The following SANBR variants were observed in gnomAD, a reference collection of about 807,000 sequenced individuals.
SANBR encodes the protein SANT and BTB domain regulator of class switch recombination.
A neutral mutation model predicts 101.8 loss-of-function variants in SANBR; 77 were observed. The observed-to-expected ratio is 0.76, with a 90% CI of 0.63 to 0.91. SANBR has a LOEUF of 0.91. Ranked by LOEUF, SANBR falls within the 40% of genes least tolerant of loss-of-function variation. The pLI, the probability that SANBR is intolerant of heterozygous loss-of-function variation, is 0.00. For synonymous variants in SANBR, 279 were observed against 274.7 expected (o/e 1.02, Z -0.15); for missense variants, 875 against 853.0 (o/e 1.03, Z -0.32).
intron 8 of SANBR, among the ~76,000 whole-genome samples, 186 bp downstream of exon 8, chr2:61,083,500 G>T (rs1682254171): frequency 6.6e-6 from 1 of 150,694 alleles, no homozygotes; most frequent in Non-Finnish European, 1.5e-5. Flanking sequence ...GAGCTCTGGT[G>T]ATCCTCCCAC....
At chr2:61,137,916 A>G (rs1223168326) in exon 22 of SANBR, 2 of 152,098 alleles carry the variant, frequency 1.3e-5, no homozygotes, top group East Asian at 1.9e-4. Context: ...TCCTCATGCA[A>G]TTTTTTAGAC....
At chr2:61,083,397 CTTTT>C (rs1056982819) in intron 8 of SANBR, 83 bp downstream of exon 8, 2 of 907,050 alleles carry the variant, frequency 2.2e-6, no homozygotes, top group Middle Eastern at 3.4e-4. Flanking sequence ...AATATTCTTT[CTTTT>C]TTCTTTTTTC....
intron 16 of SANBR, among the ~76,000 whole-genome samples, chr2:61,113,450 A>T (rs567686923): frequency 7.2e-5 from 11 of 152,278 alleles, no homozygotes; most frequent in African/African-American, 2.2e-4. Context: ...AGTTCTTCCC[A>T]TCCATGAACA....
chr2:61,091,731 T>C (rs1047450894), intron 10 of SANBR, among the ~76,000 whole-genome samples: 1 of 152,130 alleles, frequency 6.6e-6, no homozygotes, highest in African/African-American at 2.4e-5. Context: ...ACCACTGCAC[T>C]CCAGGCTGGG....
intron 8 of SANBR, among the ~76,000 whole-genome samples, chr2:61,083,944 CTT>C (rs1682284910): frequency 6.6e-6 from 1 of 151,618 alleles, no homozygotes; most frequent in Admixed American, 6.6e-5. Flanking sequence ...TTTACTCTCT[CTT>C]TTCATTTATA....
At chr2:61,129,103 G>C (rs1316990669), downstream of SANBR, among the ~76,000 whole-genome samples, 1 of 152,056 alleles carries the variant, frequency 6.6e-6, no homozygotes, top group Non-Finnish European at 1.5e-5. Context: ...CAAAAATTGA[G>C]ATAATTCATT....
At chr2:61,092,256 C>A (rs1021497583) in intron 10 of SANBR, among the ~76,000 whole-genome samples, 1 of 152,180 alleles carries the variant, frequency 6.6e-6, no homozygotes, top group African/African-American at 2.4e-5. Context: ...TGGTGGCACA[C>A]GCCTATAATC....
intron 13 of SANBR, 148 bp from the exon 14 acceptor site, chr2:61,106,411 AAAAG>A: frequency 7.8e-6 from 4 of 511,638 alleles, no homozygotes; most frequent in East Asian, 3.9e-5. Flanking sequence ...AAAAAAAAAA[AAAAG>A]GAAATGTCAT....
intron 21 of SANBR, among the ~76,000 whole-genome samples, chr2:61,134,499 G>A (rs72809496): frequency 0.086 from 13,070 of 152,206 alleles, 622 homozygotes; most frequent in Admixed American, 0.13. Flanking sequence ...GTGGTATTGT[G>A]CTCACAACAT....
chr2:61,095,536 ACAT>A (rs1225122862), intron 11 of SANBR, among the ~76,000 whole-genome samples: 1 of 152,248 alleles, frequency 6.6e-6, no homozygotes, highest in Non-Finnish European at 1.5e-5. Flanking sequence ...CAACTTCAGT[ACAT>A]CATAATATAA....
chr2:61,105,461 G>A (rs1683511094), intron 13 of SANBR, among the ~76,000 whole-genome samples: 1 of 151,644 alleles, frequency 6.6e-6, no homozygotes, highest in South Asian at 2.1e-4. Flanking sequence ...CTGCCTCCCG[G>A]GTTCACGCCA....
chr2:61,134,873 A>G (rs1399847012), intron 21 of SANBR, among the ~76,000 whole-genome samples: 1 of 151,916 alleles, frequency 6.6e-6, no homozygotes, highest in Non-Finnish European at 1.5e-5. Context: ...CAGCCTTGCA[A>G]CAGAGCGAGA....
At chr2:61,102,308 G>A (rs929725162) in intron 12 of SANBR, among the ~76,000 whole-genome samples, 5 of 148,854 alleles carry the variant, frequency 3.4e-5, no homozygotes, top group South Asian at 4.2e-4. Flanking sequence ...CCTGGGAGGC[G>A]GAGACCCGCG....
At chr2:61,108,413 A>ATT in intron 15 of SANBR, 64 bp downstream of exon 15, 1 of 1,062,244 alleles carries the variant, frequency 9.4e-7, no homozygotes, top group South Asian at 1.5e-5. Context: ...GTTTAGTTTA[A>ATT]TAGAATCTTA....
chr2:61,135,420 T>C (rs752343264), intron 21 of SANBR, among the ~76,000 whole-genome samples: 25 of 152,194 alleles, frequency 1.6e-4, no homozygotes, highest in South Asian at 1.2e-3. Flanking sequence ...TTAAATGACA[T>C]CTAGTTTTGT....
chr2:61,109,286 C>T lies in SANBR; in HGVS notation c.1734C>T (p.Ser578=), dbSNP rs751067089. 3 of 1,547,258 alleles carry T rather than the reference C, an allele frequency of 1.9e-6. No homozygotes were observed. The highest frequency in any genetic ancestry group is 1.8e-5 in the Admixed American group (1 of 56,638). Residue 578 remains serine, a synonymous_variant, in exon 16 of 22, where the codon TCC becomes TCT. Transcript: ENST00000402291. ...AAGTTGGAGATGAAGAAGAAGTATC[C>T]AAGAAACAAAGTATTGGTTTATAAG... ...EDEVGDEEEV[S]KKQRKKEKPK... is the part of the protein sequence containing the mutation.
At chr2:61,120,298 C>G (rs890520317) in intron 20 of SANBR, among the ~76,000 whole-genome samples, 2 of 149,010 alleles carry the variant, frequency 1.3e-5, no homozygotes, top group African/African-American at 4.9e-5. Context: ...GTCAAGAGAT[C>G]AAGACCATCT....
intron 10 of SANBR, chr2:61,088,891 A>T (rs1307936813): frequency 1.1e-6 from 1 of 920,342 alleles, no homozygotes; most frequent in African/African-American, 1.8e-5. Context: ...ATGGGATAAC[A>T]TCTTTTCTGC....
At chr2:61,087,772 A>AC (rs1327307210) in intron 8 of SANBR, among the ~76,000 whole-genome samples, 1 of 151,566 alleles carries the variant, frequency 6.6e-6, no homozygotes, top group Admixed American at 6.6e-5. Context: ...AATCGCTTGA[A>AC]CCCGGAAGGC....
Sources: allele counts gnomAD v4.1 joint callset (sites outside exome capture counted in the v4.1 genomes callset), GRCh38; gene constraint gnomAD v4.1.1; transcripts MANE v1.5; gene names NCBI Gene and HGNC (gene_info 2026-07-23, HGNC 2026-07-21).